ZNF516: variants seen among roughly 807,000 people sequenced by gnomAD.
ZNF516 encodes the protein zinc finger protein 516.
Under a neutral mutation model 79.7 loss-of-function variants are expected in ZNF516, and 19 were observed. That is an observed-to-expected ratio of 0.24 (90% CI 0.17 to 0.35). The LOEUF is 0.35. Ranked by LOEUF, ZNF516 falls within the 10% of genes least tolerant of loss-of-function variation. ZNF516 has a pLI of 1.00. For synonymous variants in ZNF516, 877 were observed against 739.5 expected (o/e 1.19, Z -3.02); for missense variants, 1,678 against 1,679.5 (o/e 1.00, Z 0.02).
intron 1 of ZNF516, among the ~76,000 whole-genome samples, chr18:76,473,916 G>GGGGT (rs1568322785): frequency 2.3e-5 from 3 of 128,274 alleles, no homozygotes; most frequent in African/African-American, 8.1e-5. Context: ...GGGGGGGGGG[G>GGGGT]GCTTTCTTTT....
Position 76,380,300 on chromosome 18 carries a change from C to T in ZNF516, c.1814G>A (p.Gly605Glu), listed in dbSNP as rs374688744. The change falls in exon 4 of 7, where the codon GGA (glycine) becomes GAA (glutamate). Residue 605 changes from glycine (G) to glutamate (E), a missense_variant. Gly to Glu is a moderately conservative substitution (Grantham distance 98). Transcript: ENST00000443185. ...EEGAPEPAPG[G>E]QPRRCCFSEE... is the part of the protein sequence containing the mutation. ...GGAAAAGCAGCAGCGGCGCGGCTGT[C>T]CCCCTAGAGGAGGCAAAATATGAAA... 6.4e-5 allele frequency: 104 copies of T among 1,612,624 alleles called. No individual in the cohort carries two copies. Among genetic ancestry groups the T allele is most frequent in the Non-Finnish European group, 3.4e-6 (4 of 1,179,506 alleles).
intron 6 of ZNF516, among the ~76,000 whole-genome samples, chr18:76,367,612 C>T (rs2074635579): frequency 1.3e-5 from 2 of 152,172 alleles, no homozygotes; most frequent in Admixed American, 6.5e-5. Flanking sequence ...TTAGGGACGC[C>T]CATCCCTCCG....
chr18:76,496,200 C>T, upstream of ZNF516: 1 of 1,183,794 alleles, frequency 8.4e-7, no homozygotes, highest in Non-Finnish European at 1.1e-6. Context: ...CTAGCGAGGG[C>T]GAGCGCCCCT....
chr18:76,421,839 A>G (rs2075512644), intron 3 of ZNF516, among the ~76,000 whole-genome samples: 1 of 152,244 alleles, frequency 6.6e-6, no homozygotes, highest in Non-Finnish European at 1.5e-5. Context: ...AGTTTCTGAA[A>G]AAGTTTCCAC....
intron 3 of ZNF516, among the ~76,000 whole-genome samples, chr18:76,410,319 C>T (rs577479925): frequency 1.6e-4 from 24 of 152,272 alleles, no homozygotes; most frequent in Admixed American, 9.8e-4. Flanking sequence ...TCCTGATTCT[C>T]GGGTCAGGGC....
At chr18:76,435,465 C>T (rs2075719514) in intron 3 of ZNF516, among the ~76,000 whole-genome samples, 1 of 152,158 alleles carries the variant, frequency 6.6e-6, no homozygotes, top group South Asian at 2.1e-4. Flanking sequence ...ACTCGGAAAG[C>T]ACATGAGGAC....
At chr18:76,478,816 G>A (rs1914325153) in intron 1 of ZNF516, among the ~76,000 whole-genome samples, 1 of 152,162 alleles carries the variant, frequency 6.6e-6, no homozygotes, top group Non-Finnish European at 1.5e-5. Context: ...GGCACTGTAA[G>A]AGGCCGAAAC....
chr18:76,414,185 A>G (rs1036409132), intron 3 of ZNF516, among the ~76,000 whole-genome samples: 1 of 152,228 alleles, frequency 6.6e-6, no homozygotes, highest in Non-Finnish European at 1.5e-5. Flanking sequence ...TTTGGCTTTC[A>G]GCATTACCAA....
intron 3 of ZNF516, among the ~76,000 whole-genome samples, chr18:76,410,749 A>G (rs1599045731): frequency 6.6e-6 from 1 of 152,192 alleles, no homozygotes; most frequent in Non-Finnish European, 1.5e-5. Context: ...GAGAAATTTT[A>G]CCACAGGATT....
At chr18:76,470,363 C>G (rs1372019030) in intron 1 of ZNF516, among the ~76,000 whole-genome samples, 1 of 152,064 alleles carries the variant, frequency 6.6e-6, no homozygotes, top group Admixed American at 6.6e-5. Context: ...ACATTTCTAC[C>G]CAACACAAGT....
At chr18:76,397,474 T>G (rs1188554418) in intron 3 of ZNF516, among the ~76,000 whole-genome samples, 1 of 139,674 alleles carries the variant, frequency 7.2e-6, no homozygotes, top group Non-Finnish European at 1.5e-5. Context: ...AGATGTTTAT[T>G]CTACTTTTTC....
At chr18:76,476,553 G>A (rs1914185179) in intron 1 of ZNF516, among the ~76,000 whole-genome samples, 1 of 152,198 alleles carries the variant, frequency 6.6e-6, no homozygotes, top group African/African-American at 2.4e-5. Context: ...TCATTTAAAA[G>A]TAGGACACAG....
chr18:76,414,610 G>A (rs1458294728), intron 3 of ZNF516, among the ~76,000 whole-genome samples: 4 of 152,194 alleles, frequency 2.6e-5, no homozygotes, highest in East Asian at 3.8e-4. Flanking sequence ...TTCTTCACCC[G>A]AAGAAGGTTA....
At chr18:76,424,359 A>T (rs2075558290) in intron 3 of ZNF516, among the ~76,000 whole-genome samples, 1 of 74,538 alleles carries the variant, frequency 1.3e-5, no homozygotes, top group Non-Finnish European at 2.9e-5. Flanking sequence ...CACCCCTGAA[A>T]CACCCACACG....
intron 2 of ZNF516, among the ~76,000 whole-genome samples, chr18:76,454,237 C>T (rs986253752): frequency 3.3e-5 from 5 of 152,166 alleles, no homozygotes; most frequent in African/African-American, 7.2e-5. Context: ...AAAACAAACA[C>T]GTCAATAATC....
At chr18:76,490,819 G>T (rs1915134374) in intron 1 of ZNF516, 7 of 985,494 alleles carry the variant, frequency 7.1e-6, no homozygotes, top group Non-Finnish European at 7.2e-6. Context: ...GAGGGTCCGA[G>T]GGCTCCGTCC....
chr18:76,423,307 C>A (rs945090037), intron 3 of ZNF516, among the ~76,000 whole-genome samples: 5 of 152,230 alleles, frequency 3.3e-5, no homozygotes, highest in Admixed American at 3.3e-4. Flanking sequence ...GCCCTTCTTG[C>A]GTGTTCTCGT....
intron 3 of ZNF516, among the ~76,000 whole-genome samples, chr18:76,383,060 G>T (rs75100695): frequency 1.7e-5 from 2 of 117,318 alleles, no homozygotes; most frequent in Admixed American, 8.7e-5. Context: ...AAAAAAAAAA[G>T]CGCATGGTCT....
chr18:76,440,706 C>T (rs150836796), intron 3 of ZNF516, among the ~76,000 whole-genome samples: 3 of 150,918 alleles, frequency 2.0e-5, no homozygotes, highest in African/African-American at 7.3e-5. Context: ...TAGTCTTCTA[C>T]CCAGCTGGAG....
Sources: allele counts gnomAD v4.1 joint callset (sites outside exome capture counted in the v4.1 genomes callset), GRCh38; gene constraint gnomAD v4.1.1; transcripts MANE v1.5; gene names NCBI Gene and HGNC (gene_info 2026-07-23, HGNC 2026-07-21).